FRAS1: variants seen among roughly 807,000 people sequenced by gnomAD.
FRAS1 encodes the protein Fraser extracellular matrix complex subunit 1, also known as extracellular matrix organizing protein FRAS1.
FRAS1 carries 290 observed loss-of-function variants against 435.2 expected under a neutral mutation model. The ratio of observed to expected loss-of-function variants is 0.67; its 90% CI spans 0.61 to 0.73. The LOEUF (loss-of-function observed/expected upper bound fraction) is 0.73. Ranked by LOEUF, FRAS1 falls within the 30% of genes least tolerant of loss-of-function variation. The probability of loss-of-function intolerance (pLI) is 0.00; values close to 1 mark genes in which losing one functional copy is unlikely to be tolerated. For missense variants in FRAS1, 4,860 were observed against 5,001.5 expected (o/e 0.97, Z 0.85); for synonymous variants, 1,800 against 1,851.0 (o/e 0.97, Z 0.71).
At position 78,429,112 on chromosome 4, in the gene FRAS1, A is replaced by T. The variant is rs183594682; in HGVS notation, c.4729A>T (p.Thr1577Ser). ...CTTTTTAGTTTCAGATGGAGAACACACAAGTCCGGAGATGGTCCTCACCAT... is the reference window on the plus strand; with the variant it reads ...CTTTTTAGTTTCAGATGGAGAACACTCAAGTCCGGAGATGGTCCTCACCAT... ...FHFTVSDGEHTSPEMVLTIHL... is the reference protein window; with the variant it reads ...FHFTVSDGEHSSPEMVLTIHL... The change falls in exon 36 of 74, where the codon ACA (threonine) becomes TCA (serine). Residue 1577 changes from threonine to serine, a missense_variant. Thr to Ser is a moderately conservative substitution (Grantham distance 58). Coordinates refer to ENST00000512123, the MANE Select transcript of FRAS1 (RefSeq NM_025074.7). 2.8e-5 allele frequency: 44 copies of T among 1,557,446 alleles called. No individual in the cohort carries two copies. The East Asian group carries it at 8.7e-4, about 31-fold the overall frequency.
intron 18 of FRAS1, among the ~76,000 whole-genome samples, chr4:78,324,708 CTTTTTTT>C (rs139942839): frequency 1.3e-3 from 118 of 88,090 alleles, no homozygotes; most frequent in Middle Eastern, 6.6e-3. Context: ...GCTCAGATTC[CTTTTTTT>C]TTTTTTTTTT....
At chr4:78,456,636 TG>T (rs1341822647) in intron 47 of FRAS1, among the ~76,000 whole-genome samples, 3 of 152,206 alleles carry the variant, frequency 2.0e-5, no homozygotes, top group African/African-American at 7.2e-5. Context: ...ATAGGGCGTT[TG>T]GTTGTCACCC....
At chr4:78,199,095 G>A (rs1722943887) in intron 2 of FRAS1, among the ~76,000 whole-genome samples, 2 of 152,126 alleles carry the variant, frequency 1.3e-5, no homozygotes, top group South Asian at 2.1e-4. Flanking sequence ...TTTATTGAGA[G>A]CAGGAACAAT....
At chr4:78,517,849 T>C (rs1721257639) in intron 66 of FRAS1, among the ~76,000 whole-genome samples, 1 of 152,178 alleles carries the variant, frequency 6.6e-6, no homozygotes, top group Non-Finnish European at 1.5e-5. Context: ...AGAGATTTTA[T>C]TGAAGTTCTG....
At chr4:78,439,140 C>G in intron 40 of FRAS1, 76 bp downstream of exon 40, 1 of 1,315,408 alleles carries the variant, frequency 7.6e-7, no homozygotes, top group Non-Finnish European at 1.0e-6. Context: ...TGAAGGATTT[C>G]TGCCTAAATT....
intron 11 of FRAS1, 49 bp from the exon 12 acceptor site, chr4:78,282,771 T>C: frequency 6.2e-7 from 1 of 1,603,322 alleles, no homozygotes; most frequent in Non-Finnish European, 8.5e-7. Flanking sequence ...AGCTCTCTTC[T>C]GAATTACTGC....
chr4:78,059,569 C>T (rs950904658), intron 1 of FRAS1, among the ~76,000 whole-genome samples: 1 of 151,406 alleles, frequency 6.6e-6, no homozygotes, highest in African/African-American at 2.4e-5. Flanking sequence ...AGAGAGTCAC[C>T]CCAGGCCACC....
intron 29 of FRAS1, among the ~76,000 whole-genome samples, chr4:78,389,059 C>T (rs1732343506): frequency 6.6e-6 from 1 of 152,112 alleles, no homozygotes; most frequent in African/African-American, 2.4e-5. Flanking sequence ...TGTCCATATG[C>T]TACTGAAAAT....
intron 30 of FRAS1, among the ~76,000 whole-genome samples, chr4:78,404,405 T>TAAAAAAAAGAAAAAAAAAA (rs1477989090): frequency 7.1e-6 from 1 of 141,060 alleles, no homozygotes. Context: ...GGTGAGGTAC[T>TAAAAAAAAGAAAAAAAAAA]ACAAAAAAAA....
At chr4:78,243,587 C>T (rs1388776119) in intron 3 of FRAS1, among the ~76,000 whole-genome samples, 1 of 151,994 alleles carries the variant, frequency 6.6e-6, no homozygotes, top group Non-Finnish European at 1.5e-5. Context: ...CTTTTATGTT[C>T]CACCAGAAAT....
At position 78,400,878 on chromosome 4, in the gene FRAS1, C is replaced by A. The variant is rs775797816; in HGVS notation, c.4120C>A (p.Pro1374Thr). 6.2e-7 allele frequency: 1 copy of A among 1,613,492 alleles called. No individual in the cohort carries two copies. The highest frequency in any genetic ancestry group is 8.5e-7 in the Non-Finnish European group (1 of 1,179,700). Reference protein sequence around the residue: ...EIIYKITQDYPQFGEVVLLVN... With the variant: ...EIIYKITQDYTQFGEVVLLVN... The stretch of plus-strand genomic sequence containing the variant: ...CATCTACAAGATTACACAAGACTAC[C>A]CCCAGTTTGGTAACTATTTTTTCCT... Residue 1374 changes from proline (P) to threonine (T), a missense_variant, in exon 30 of 74, where the codon CCC becomes ACC. Pro to Thr is a conservative substitution (Grantham distance 38). Transcript: ENST00000512123.
intron 2 of FRAS1, among the ~76,000 whole-genome samples, chr4:78,148,533 G>T (rs192048984): frequency 6.6e-6 from 1 of 152,310 alleles, no homozygotes; most frequent in East Asian, 1.9e-4. Context: ...CTTCATCAGT[G>T]AATTGAGATT....
chr4:78,421,130 C>T (rs1733773871), intron 33 of FRAS1, among the ~76,000 whole-genome samples: 1 of 151,400 alleles, frequency 6.6e-6, no homozygotes, highest in Admixed American at 6.6e-5. Context: ...TGTTTTTACA[C>T]CTGCTTTAGT....
chr4:78,141,488 T>C (rs1291115996), intron 2 of FRAS1, among the ~76,000 whole-genome samples: 1 of 152,108 alleles, frequency 6.6e-6, no homozygotes, highest in East Asian at 1.9e-4. Flanking sequence ...GGAGAAAATA[T>C]GAAAAATCTT....
At chr4:78,310,891 A>C (rs1224692123) in intron 15 of FRAS1, among the ~76,000 whole-genome samples, 1 of 152,232 alleles carries the variant, frequency 6.6e-6, no homozygotes, top group Non-Finnish European at 1.5e-5. Context: ...ATCTGTAGAA[A>C]TCTCAAAGTC....
chr4:78,341,598 G>A (rs1331358254), intron 20 of FRAS1, among the ~76,000 whole-genome samples: 1 of 152,138 alleles, frequency 6.6e-6, no homozygotes, highest in African/African-American at 2.4e-5. Context: ...CTGCAAAAAT[G>A]GTCTGAGTGG....
intron 2 of FRAS1, among the ~76,000 whole-genome samples, chr4:78,121,603 G>C (rs1719028182): frequency 6.6e-6 from 1 of 152,160 alleles, no homozygotes; most frequent in Non-Finnish European, 1.5e-5. Context: ...AGCCAGCCTT[G>C]CCTACTATGT....
At chr4:78,194,247 A>G (rs981225281) in intron 2 of FRAS1, among the ~76,000 whole-genome samples, 338 of 152,142 alleles carry the variant, frequency 2.2e-3, no homozygotes, top group Non-Finnish European at 3.0e-3. Flanking sequence ...ACAGTTAGGT[A>G]TCTTGGAGTT....
intron 27 of FRAS1, 118 bp from the exon 28 acceptor site, chr4:78,383,941 C>T: frequency 1.5e-6 from 1 of 680,264 alleles, no homozygotes; most frequent in Non-Finnish European, 2.5e-6. Context: ...GACATTACTG[C>T]AGCAGTTTGA....
Sources: gnomAD v4.1 joint callset for allele counts (sites outside exome capture counted in the v4.1 genomes callset) on GRCh38, gnomAD v4.1.1 for gene constraint, MANE v1.5 for transcripts, NCBI Gene and HGNC (gene_info 2026-07-23, HGNC 2026-07-21) for gene names.